Variants in ZNF30 observed in about 807,000 individuals in gnomAD.
ZNF30 encodes the protein zinc finger protein 30, also known as zinc finger protein 30 (KOX 28).
ZNF30 carries 15 observed loss-of-function variants against 13.2 expected under a neutral mutation model. The observed-to-expected ratio is 1.13, with a 90% confidence interval of 0.76 to 1.75. The LOEUF (loss-of-function observed/expected upper bound fraction) is 1.75, where lower values mean the gene tolerates loss of function less well. ZNF30 is among the 40% of genes most tolerant of loss of function. The probability of loss-of-function intolerance (pLI) is 0.00; values close to 1 mark genes in which losing one functional copy is unlikely to be tolerated. For synonymous variants in ZNF30, 223 were observed against 256.6 expected, an observed-to-expected ratio of 0.87 and a Z score of 1.25; for missense variants, 726 against 757.0, an observed-to-expected ratio of 0.96 and a Z score of 0.48.
chr19:34,931,750 C>G (rs573231913), intron 2 of ZNF30, 93 bp from the exon 3 acceptor site: 4 of 1,289,988 alleles, frequency 3.1e-6, no homozygotes, highest in Admixed American at 2.6e-5. Context: ...AGCTTCCAGC[C>G]TATGTGATTG....
chr19:34,942,585 C>A, intron 4 of ZNF30: 1 of 1,266,322 alleles, frequency 7.9e-7, no homozygotes, highest in South Asian at 1.3e-5. Context: ...TTATTTTAAA[C>A]ATGGATAGGA....
chr19:34,935,347 G>A (rs1440126972), intron 4 of ZNF30, among the ~76,000 whole-genome samples: 1 of 152,102 alleles, frequency 6.6e-6, no homozygotes, highest in Non-Finnish European at 1.5e-5. Flanking sequence ...TCCAAATGAA[G>A]AGAGAAAACT....
rs370039406 is a variant in ZNF30 at position 34,944,669 on chromosome 19, T to C, written c.1703T>C (p.Phe568Ser). The change falls in exon 5 of 5, where the codon TTT becomes TCT. Residue 568 changes from phenylalanine (F) to serine (S), a missense_variant. By Grantham distance (155) the Phe-to-Ser change is radical. Transcript: ENST00000601142. ...AGTGTTCACACTGGTGAGAAACCTT[T>C]TGAATGTAAGGAATGCGGGAAGGCC... ...HQSVHTGEKP[F>S]ECKECGKAFR... 6.2e-7 allele frequency: 1 copy of C among 1,612,514 alleles called. No individual in the cohort carries two copies. Among genetic ancestry groups the C allele is most frequent in the Admixed American group, 1.7e-5 (1 of 59,950 alleles).
chr19:34,926,998 A>C lies in ZNF30; in HGVS notation c.-283A>C. The C allele has an allele frequency of 2.5e-6, 1 of 398,554 alleles. No homozygotes were observed. The highest frequency in any genetic ancestry group is 4.4e-6 in the Non-Finnish European group (1 of 226,044). 24.7% of individuals were successfully genotyped at this position (398,554 alleles called of 1,614,324 possible). ...TCCGGCCAATGTAGCCTGAAACTAC[A>C]TTTCTCAGCGGCCACTGGAACGACC... On this transcript the variant is annotated 5_prime_UTR_variant, in exon 1 of 5. Coordinates refer to ENST00000601142, the MANE Select transcript of ZNF30 (RefSeq NM_194325.3).
chr19:34,934,382 G>T (rs963136434), intron 4 of ZNF30, among the ~76,000 whole-genome samples: 1 of 152,112 alleles, frequency 6.6e-6, no homozygotes, highest in Non-Finnish European at 1.5e-5. Context: ...TCCTGCCTCA[G>T]CCTCCTGAGT....
Position 34,931,047 on chromosome 19 carries a change from T to C in ZNF30, c.10-796T>C, listed in dbSNP as rs529625060. Reference sequence around the variant, plus strand: ...TTTTTTTTTCTTTTTTTCTTTTTTTTTTTTTTTTGAGACTGAGTCTCGCTC... The same window carrying C: ...TTTTTTTTTCTTTTTTTCTTTTTTTCTTTTTTTTGAGACTGAGTCTCGCTC... On this transcript the variant is annotated intron_variant, in intron 2 of 4. Transcript: ENST00000601142. Among the ~76,000 whole-genome samples, 25 of 148,286 alleles carry C rather than the reference T, an allele frequency of 1.7e-4. No individual in the cohort carries two copies. In the South Asian group the frequency reaches 4.5e-3, roughly 27 times the overall value.
At chr19:34,940,218 G>A (rs1464514827) in intron 4 of ZNF30, among the ~76,000 whole-genome samples, 1 of 152,082 alleles carries the variant, frequency 6.6e-6, no homozygotes, top group Non-Finnish European at 1.5e-5. Context: ...AGGGGATTTC[G>A]TTGATTTCTG....
upstream of ZNF30, among the ~76,000 whole-genome samples, chr19:34,925,607 T>G (rs1176923482): frequency 6.6e-6 from 1 of 151,878 alleles, no homozygotes; most frequent in East Asian, 1.9e-4. Flanking sequence ...GGGAACAGGA[T>G]GGGGGCGTGG....
At chr19:34,940,078 C>G (rs2012957472) in intron 4 of ZNF30, among the ~76,000 whole-genome samples, 1 of 152,168 alleles carries the variant, frequency 6.6e-6, no homozygotes, top group Admixed American at 6.5e-5. Flanking sequence ...CTAATTCTTA[C>G]AAATAGTTAG....
chr19:34,931,452 A>G (rs536156503), intron 2 of ZNF30, among the ~76,000 whole-genome samples: 1 of 152,320 alleles, frequency 6.6e-6, no homozygotes, highest in Admixed American at 6.5e-5. Context: ...CTATTTTCTA[A>G]GACAGATTTT....
At chr19:34,930,736 G>A (rs567220364) in intron 2 of ZNF30, among the ~76,000 whole-genome samples, 1 of 152,150 alleles carries the variant, frequency 6.6e-6, no homozygotes, top group South Asian at 2.1e-4. Context: ...GGGGGCACAT[G>A]CCTGTAGTCC....
At chr19:34,931,541 A>G (rs1178905741) in intron 2 of ZNF30, among the ~76,000 whole-genome samples, 11 of 152,124 alleles carry the variant, frequency 7.2e-5, no homozygotes, top group Admixed American at 7.2e-4. Context: ...GTTTTTGAGA[A>G]TTTGTTTCAT....
At chr19:34,936,642 T>C (rs964026323) in intron 4 of ZNF30, among the ~76,000 whole-genome samples, 1 of 152,132 alleles carries the variant, frequency 6.6e-6, no homozygotes, top group Non-Finnish European at 1.5e-5. Context: ...ATGCCTGGAA[T>C]CCCAACACTT....
In ZNF30 at chr19:34,944,826, T is replaced by C. The variant is rs2013258865; in HGVS notation, c.1860T>C (p.Ser620=). Residue 620 remains serine, a synonymous_variant, in exon 5 of 5, where the codon AGT becomes AGC. Coordinates refer to ENST00000601142, the MANE Select transcript of ZNF30 (RefSeq NM_194325.3). Reference sequence around the variant, plus strand: ...AAGTGCATCTGAGAAAACATATGAGTGTTATACCCTAAGAGTCTGAGGAGT... The same window carrying C: ...AAGTGCATCTGAGAAAACATATGAGCGTTATACCCTAAGAGTCTGAGGAGT... The part of the protein sequence containing the change: ...ALKVHLRKHM[S]VIP 6.3e-7 allele frequency: 1 copy of C among 1,595,042 alleles called. No homozygotes were observed. The highest frequency in any genetic ancestry group is 1.1e-5 in the South Asian group (1 of 88,922).
At chr19:34,942,727 A>G (rs1256501679) in intron 4 of ZNF30, 2 of 851,696 alleles carry the variant, frequency 2.3e-6, no homozygotes, top group Non-Finnish European at 3.4e-6. Context: ...TTAGGTCAGT[A>G]TGGGACAGAG....
intron 1 of ZNF30, 45 bp from the exon 2 acceptor site, chr19:34,929,839 A>T (rs776710298): frequency 2.7e-5 from 28 of 1,025,132 alleles, no homozygotes; most frequent in Non-Finnish European, 3.9e-5. Flanking sequence ...AATGTATGTC[A>T]TTGAGAACAC....
intron 1 of ZNF30, among the ~76,000 whole-genome samples, chr19:34,928,233 A>G (rs957035744): frequency 3.0e-5 from 2 of 67,780 alleles, no homozygotes; most frequent in African/African-American, 1.4e-4. Flanking sequence ...ATATATATAT[A>G]TATATATATA....
chr19:34,938,320 C>T (rs974863531), intron 4 of ZNF30, among the ~76,000 whole-genome samples: 1 of 152,076 alleles, frequency 6.6e-6, no homozygotes, highest in Non-Finnish European at 1.5e-5. Flanking sequence ...GTTTGGGGGA[C>T]ACTGTTCAAA....
At chr19:34,925,445 C>T (rs2012032749), upstream of ZNF30, among the ~76,000 whole-genome samples, 1 of 152,202 alleles carries the variant, frequency 6.6e-6, no homozygotes, top group Non-Finnish European at 1.5e-5. Flanking sequence ...CTTGGACTGC[C>T]CCAGCCAAAC....
Sources: gnomAD v4.1 joint callset for allele counts (sites outside exome capture counted in the v4.1 genomes callset) on GRCh38, gnomAD v4.1.1 for gene constraint, MANE v1.5 for transcripts, NCBI Gene and HGNC (gene_info 2026-07-23, HGNC 2026-07-21) for gene names.